Variants in CCSER1 observed in about 807,000 individuals in gnomAD.
The protein encoded by CCSER1 is serine-rich coiled-coil domain-containing protein 1.
CCSER1 carries 41 observed loss-of-function variants against 82.0 expected under a neutral mutation model. The observed-to-expected ratio is 0.50, with a 90% CI of 0.39 to 0.65. CCSER1 has a LOEUF of 0.65. Among genes scored for constraint, CCSER1 ranks in the 30% least tolerant of loss-of-function variants. The pLI, the probability that CCSER1 is intolerant of heterozygous loss-of-function variation, is 0.00. For synonymous variants in CCSER1, 414 were observed against 383.9 expected (o/e 1.08, Z -0.92); for missense variants, 1,119 against 1,064.2 (o/e 1.05, Z -0.72).
At chr4:90,500,011 G>T (rs1306091841) in intron 5 of CCSER1, among the ~76,000 whole-genome samples, 2 of 152,136 alleles carry the variant, frequency 1.3e-5, no homozygotes, top group African/African-American at 2.4e-5. Context: ...AAATTTAAAA[G>T]TACTGCATCT....
At chr4:90,134,002 G>A (rs1399112701) in intron 1 of CCSER1, among the ~76,000 whole-genome samples, 2 of 151,882 alleles carry the variant, frequency 1.3e-5, no homozygotes, top group Non-Finnish European at 2.9e-5. Context: ...TGCAAACATA[G>A]GTATTTCCTG....
At chr4:91,135,050 C>T (rs752588081) in intron 10 of CCSER1, among the ~76,000 whole-genome samples, 2 of 151,402 alleles carry the variant, frequency 1.3e-5, no homozygotes, top group Non-Finnish European at 2.9e-5. Flanking sequence ...CAGAGAGAGA[C>T]TCTGTCTCAA....
intron 10 of CCSER1, among the ~76,000 whole-genome samples, chr4:91,182,468 A>T (rs1202672948): frequency 6.6e-6 from 1 of 152,158 alleles, no homozygotes; most frequent in Non-Finnish European, 1.5e-5. Context: ...ATAATGCTAG[A>T]TTCAGTTGCA....
chr4:90,227,391 T>C (rs1451278329), intron 1 of CCSER1, among the ~76,000 whole-genome samples: 1 of 152,214 alleles, frequency 6.6e-6, no homozygotes, highest in African/African-American at 2.4e-5. Flanking sequence ...AATTGCAAAA[T>C]TGCATTCGTC....
At chr4:90,274,455 G>A (rs1378019473) in intron 1 of CCSER1, among the ~76,000 whole-genome samples, 1 of 152,082 alleles carries the variant, frequency 6.6e-6, no homozygotes, top group Non-Finnish European at 1.5e-5. Flanking sequence ...CAGCTTTGCT[G>A]TTAAGAAAAC....
intron 10 of CCSER1, among the ~76,000 whole-genome samples, chr4:91,217,462 G>A (rs905500379): frequency 1.3e-5 from 2 of 152,222 alleles, no homozygotes; most frequent in African/African-American, 4.8e-5. Context: ...TAGATACAGA[G>A]TGTGGATTGG....
At chr4:91,071,524 T>G in intron 9 of CCSER1, among the ~76,000 whole-genome samples, 1 of 152,000 alleles carries the variant, frequency 6.6e-6, no homozygotes, top group East Asian at 1.9e-4. Flanking sequence ...ATCAAGAGAG[T>G]CATAATGTTG....
chr4:90,168,193 T>A (rs1730893239), intron 1 of CCSER1, among the ~76,000 whole-genome samples: 1 of 152,214 alleles, frequency 6.6e-6, no homozygotes, highest in African/African-American at 2.4e-5. Flanking sequence ...GATATCTCAT[T>A]GTGGTTTTGA....
chr4:90,379,398 C>T (rs1394880746), intron 3 of CCSER1, among the ~76,000 whole-genome samples: 1 of 152,128 alleles, frequency 6.6e-6, no homozygotes, highest in African/African-American at 2.4e-5. Context: ...ATCTATAGGA[C>T]ATAGTTGAGG....
At chr4:91,048,556 C>T (rs1742716817) in intron 9 of CCSER1, among the ~76,000 whole-genome samples, 1 of 151,978 alleles carries the variant, frequency 6.6e-6, no homozygotes, top group Non-Finnish European at 1.5e-5. Context: ...TCTATATTCC[C>T]ATGGACAGGC....
At chr4:90,291,933 A>G (rs117547231) in intron 1 of CCSER1, among the ~76,000 whole-genome samples, 1 of 152,082 alleles carries the variant, frequency 6.6e-6, no homozygotes, top group East Asian at 1.9e-4. Flanking sequence ...GTTAATTATC[A>G]GACATACTTC....
At chr4:91,227,348 A>G (rs984668028) in intron 10 of CCSER1, among the ~76,000 whole-genome samples, 2 of 151,868 alleles carry the variant, frequency 1.3e-5, no homozygotes, top group African/African-American at 2.4e-5. Context: ...GAGTACAAAA[A>G]TGACACTCAG....
chr4:91,051,843 C>A (rs1284980780), intron 9 of CCSER1, among the ~76,000 whole-genome samples: 1 of 151,966 alleles, frequency 6.6e-6, no homozygotes, highest in African/African-American at 2.4e-5. Context: ...TACAAATATT[C>A]AAAGGCTAGT....
intron 7 of CCSER1, among the ~76,000 whole-genome samples, chr4:90,809,400 A>G (rs1323187852): frequency 1.3e-5 from 2 of 152,130 alleles, no homozygotes; most frequent in East Asian, 1.9e-4. Flanking sequence ...CAAACTAGTG[A>G]AAGTATTTTG....
At chr4:90,855,630 T>G (rs1764375711) in intron 8 of CCSER1, among the ~76,000 whole-genome samples, 2 of 152,290 alleles carry the variant, frequency 1.3e-5, no homozygotes, top group South Asian at 4.1e-4. Flanking sequence ...ACCAGCCTTT[T>G]AACTCTAAAG....
rs534563090 is a variant in CCSER1 at position 91,422,361 on chromosome 4, T to A, written c.2218-176211T>A. ...CTAGTCACACCACAGCACAGGGATCTTCTCTGATGATTCCGGCTTAGACTG... is the reference window on the plus strand; with the variant it reads ...CTAGTCACACCACAGCACAGGGATCATCTCTGATGATTCCGGCTTAGACTG... On this transcript the variant is annotated intron_variant, in intron 10 of 10. Transcript: ENST00000509176. Among the ~76,000 whole-genome samples, 3 of 152,266 alleles carry A rather than the reference T, an allele frequency of 2.0e-5. 1 individual carries two copies. In the East Asian group the frequency reaches 5.8e-4, roughly 29 times the overall value.
rs13137970 is a variant in CCSER1 at position 91,439,131 on chromosome 4, C to T, written c.2218-159441C>T. Among the ~76,000 whole-genome samples the T allele has an allele frequency of 1.2e-4, 19 of 152,146 alleles. 1 individual carries two copies. Among genetic ancestry groups the T allele is most frequent in the South Asian group, 1.2e-3 (6 of 4,812 alleles). On this transcript the variant is annotated intron_variant, in intron 10 of 10. Transcript: ENST00000509176. Reference sequence around the variant, plus strand: ...ATTCAAATTCAGGAAATACAGAGAACGCCACAAAGATACTCCTCGAGAAGA... The same window carrying T: ...ATTCAAATTCAGGAAATACAGAGAATGCCACAAAGATACTCCTCGAGAAGA...
At chr4:90,990,098 C>G (rs1285014091) in intron 9 of CCSER1, among the ~76,000 whole-genome samples, 1 of 151,778 alleles carries the variant, frequency 6.6e-6, no homozygotes, top group East Asian at 1.9e-4. Flanking sequence ...CACATAATGC[C>G]TATTGCATGT....
At chr4:90,290,472 A>C (rs1280926104) in intron 1 of CCSER1, among the ~76,000 whole-genome samples, 2 of 151,240 alleles carry the variant, frequency 1.3e-5, no homozygotes, top group Non-Finnish European at 3.0e-5. Flanking sequence ...TTCTTTCTCC[A>C]CTCTGTCTAA....
Sources: allele counts gnomAD v4.1 joint callset (sites outside exome capture counted in the v4.1 genomes callset), GRCh38; gene constraint gnomAD v4.1.1; transcripts MANE v1.5; gene names NCBI Gene and HGNC (gene_info 2026-07-23, HGNC 2026-07-21).